Variants in COL4A2 observed in about 807,000 individuals in gnomAD.
COL4A2 encodes collagen alpha-2(IV) chain.
Under a neutral mutation model 200.2 loss-of-function variants are expected in COL4A2, and 99 were observed. The ratio of observed to expected loss-of-function variants is 0.49; its 90% CI spans 0.42 to 0.58. The LOEUF (loss-of-function observed/expected upper bound fraction) is 0.58. Ranked by LOEUF, COL4A2 falls within the 20% of genes least tolerant of loss-of-function variation. The probability of loss-of-function intolerance (pLI) is 0.00; values close to 1 mark genes in which losing one functional copy is unlikely to be tolerated. For synonymous variants in COL4A2, 897 were observed against 900.6 expected (o/e 1.00, Z 0.07); for missense variants, 1,950 against 2,314.1 (o/e 0.84, Z 3.23).
intron 4 of COL4A2, among the ~76,000 whole-genome samples, chr13:110,413,305 A>G (rs974583386): frequency 1.3e-5 from 2 of 152,250 alleles, no homozygotes; most frequent in African/African-American, 4.8e-5. Flanking sequence ...AAATCCTGCA[A>G]GAGATGCCGG....
At chr13:110,339,203 A>G (rs555073053) in intron 3 of COL4A2, among the ~76,000 whole-genome samples, 1 of 152,254 alleles carries the variant, frequency 6.6e-6, no homozygotes, top group Non-Finnish European at 1.5e-5. Flanking sequence ...TGGGCCAAAC[A>G]GTTGGATTTC....
At chr13:110,464,782 G>A (rs887325710) in intron 24 of COL4A2, among the ~76,000 whole-genome samples, 8 of 152,122 alleles carry the variant, frequency 5.3e-5, no homozygotes, top group Non-Finnish European at 7.4e-5. Flanking sequence ...GCACCGAGCC[G>A]TGCCGTGGTG....
chr13:110,308,442 T>A (rs7986871), intron 3 of COL4A2, among the ~76,000 whole-genome samples: 63,475 of 151,708 alleles, frequency 0.42, 13,384 homozygotes, highest in Middle Eastern at 0.55. Flanking sequence ...GCCAGGAAAG[T>A]GTGTCAGTCA....
intron 34 of COL4A2, 88 bp from the exon 35 acceptor site, chr13:110,489,357 A>T (rs1228843134): frequency 1.6e-6 from 2 of 1,279,418 alleles, no homozygotes; most frequent in East Asian, 4.6e-5. Flanking sequence ...TGTCGTTAGC[A>T]TACTGGATAG....
At chr13:110,478,887 A>C (rs555768269) in intron 30 of COL4A2, among the ~76,000 whole-genome samples, 1 of 152,194 alleles carries the variant, frequency 6.6e-6, no homozygotes, top group South Asian at 2.1e-4. Flanking sequence ...CTCCATGGAA[A>C]CTCTCAATCT....
chr13:110,391,900 C>A (rs1878996792), intron 4 of COL4A2, among the ~76,000 whole-genome samples: 1 of 152,202 alleles, frequency 6.6e-6, no homozygotes, highest in Admixed American at 6.5e-5. Flanking sequence ...TTGCTTTGCC[C>A]TTGCTGGATA....
intron 4 of COL4A2, among the ~76,000 whole-genome samples, chr13:110,422,381 C>A (rs528162189): frequency 6.6e-6 from 1 of 151,510 alleles, no homozygotes; most frequent in Admixed American, 6.6e-5. Flanking sequence ...ATCGTGCGTC[C>A]AGGGCCAGGG....
chr13:110,499,863 C>G (rs1218212510), intron 40 of COL4A2, among the ~76,000 whole-genome samples: 2 of 152,238 alleles, frequency 1.3e-5, no homozygotes, highest in African/African-American at 4.8e-5. Flanking sequence ...ACTGGATCAT[C>G]TAACTCAGGA....
rs560511785 is a variant in COL4A2, at chr13:110,422,374, G to A, written c.181-2360G>A. Among the ~76,000 whole-genome samples the A allele has an allele frequency of 2.3e-3, 357 of 152,020 alleles. 1 individual carries two copies. Among genetic ancestry groups the A allele is most frequent in the Non-Finnish European group, 3.6e-3 (248 of 67,962 alleles). ...GGAGATAGAATGAGTCTGGGATATC[G>A]TGCGTCCAGGGCCAGGGCCACCCAT... On this transcript the variant is annotated intron_variant, in intron 4 of 47. Coordinates refer to ENST00000360467, the MANE Select transcript of COL4A2 (RefSeq NM_001846.4).
intron 10 of COL4A2, among the ~76,000 whole-genome samples, chr13:110,431,608 C>T (rs1036566221): frequency 1.6e-4 from 24 of 152,158 alleles, no homozygotes; most frequent in African/African-American, 5.3e-4. Context: ...AGTCACGGCA[C>T]ACATGCCACA....
At chr13:110,476,540 G>C (rs1002401527) in intron 29 of COL4A2, among the ~76,000 whole-genome samples, 1 of 152,150 alleles carries the variant, frequency 6.6e-6, no homozygotes, top group Non-Finnish European at 1.5e-5. Flanking sequence ...AGACTGACCG[G>C]GTCCCTTTTG....
At chr13:110,451,889 C>T (rs1015943193) in intron 20 of COL4A2, among the ~76,000 whole-genome samples, 2 of 152,268 alleles carry the variant, frequency 1.3e-5, no homozygotes, top group African/African-American at 4.8e-5. Flanking sequence ...AGGAATATTT[C>T]ATTCTCTCAC....
intron 4 of COL4A2, among the ~76,000 whole-genome samples, chr13:110,413,585 A>G (rs1257595531): frequency 6.6e-6 from 1 of 152,164 alleles, no homozygotes; most frequent in Non-Finnish European, 1.5e-5. Context: ...ACCGCTAGGC[A>G]CTCAGTTAGA....
chr13:110,499,433 C>T (rs1191297028), intron 40 of COL4A2, among the ~76,000 whole-genome samples: 4 of 152,164 alleles, frequency 2.6e-5, no homozygotes, highest in Admixed American at 6.5e-5. Flanking sequence ...CTCACTATCA[C>T]GAGAACAGCA....
At chr13:110,315,387 TG>T (rs1171943512) in intron 3 of COL4A2, among the ~76,000 whole-genome samples, 1 of 152,216 alleles carries the variant, frequency 6.6e-6, no homozygotes, top group African/African-American at 2.4e-5. Context: ...CCACTTTTTT[TG>T]TTTGTTTGTT....
chr13:110,331,730 C>A (rs1228220868), intron 3 of COL4A2, among the ~76,000 whole-genome samples: 2 of 152,190 alleles, frequency 1.3e-5, no homozygotes, highest in Non-Finnish European at 2.9e-5. Flanking sequence ...TTTACTCTCA[C>A]AATGTTTGCC....
At chr13:110,418,283 G>C (rs1880122202) in intron 4 of COL4A2, among the ~76,000 whole-genome samples, 1 of 152,174 alleles carries the variant, frequency 6.6e-6, no homozygotes. Context: ...TTGTTTATCA[G>C]ATATGTGTTT....
intron 4 of COL4A2, among the ~76,000 whole-genome samples, chr13:110,417,685 A>G (rs1453931613): frequency 6.6e-6 from 1 of 152,178 alleles, no homozygotes; most frequent in Non-Finnish European, 1.5e-5. Context: ...CGCCTTTTCT[A>G]GAATGTCATA....
At position 110,409,548 on chromosome 13, in the gene COL4A2, GA is replaced by G. The variant is rs1367556491; in HGVS notation, c.181-15182del. ...AGTTGTTGCCTTCTATTTCGTGGAT[GA>G]AAACTGCTATTGATTTCTCTTTTAA... On this transcript the variant is annotated intron_variant, in intron 4 of 47. Coordinates refer to ENST00000360467, the MANE Select transcript of COL4A2 (RefSeq NM_001846.4). Among the ~76,000 whole-genome samples, 3 of 152,404 alleles carry G rather than the reference GA, an allele frequency of 2.0e-5. No individual in the cohort carries two copies. The East Asian group carries it at 5.8e-4, about 29-fold the overall frequency.
Sources: allele counts gnomAD v4.1 joint callset (sites outside exome capture counted in the v4.1 genomes callset), GRCh38; gene constraint gnomAD v4.1.1; transcripts MANE v1.5; gene names NCBI Gene and HGNC (gene_info 2026-07-23, HGNC 2026-07-21).